Variants in SLC22A2 observed in about 807,000 individuals in gnomAD.
The protein encoded by SLC22A2 is organic cation transporter 2.
A neutral mutation model predicts 60.5 loss-of-function variants in SLC22A2; 46 were observed. The ratio of observed to expected loss-of-function variants is 0.76; its 90% CI spans 0.60 to 0.97. SLC22A2 has a LOEUF of 0.97. Ranked by LOEUF, SLC22A2 falls within the 50% of genes least tolerant of loss-of-function variation. SLC22A2 has a pLI of 0.00. For synonymous variants in SLC22A2, 303 were observed against 267.0 expected (o/e 1.13, Z -1.31); for missense variants, 701 against 706.6 (o/e 0.99, Z 0.09).
intron 2 of SLC22A2, among the ~76,000 whole-genome samples, chr6:160,254,038 G>T (rs768974375): frequency 2.6e-5 from 4 of 152,184 alleles, no homozygotes; most frequent in Non-Finnish European, 4.4e-5. Context: ...AGCACTTTGG[G>T]AGGTCAAGGA....
At chr6:160,227,457 C>T (rs1026293399) in intron 9 of SLC22A2, among the ~76,000 whole-genome samples, 2 of 152,176 alleles carry the variant, frequency 1.3e-5, no homozygotes, top group Non-Finnish European at 2.9e-5. Context: ...CTAATGGATA[C>T]CTCGCATGTA....
chr6:160,231,892 C>A (rs951368054), intron 9 of SLC22A2, among the ~76,000 whole-genome samples: 1 of 151,802 alleles, frequency 6.6e-6, no homozygotes, highest in Non-Finnish European at 1.5e-5. Flanking sequence ...GCTGTGTGGT[C>A]GGAATTCTTA....
intron 9 of SLC22A2, among the ~76,000 whole-genome samples, chr6:160,228,225 C>CG (rs999966020): frequency 1.3e-5 from 2 of 152,280 alleles, no homozygotes; most frequent in African/African-American, 4.8e-5. Flanking sequence ...TTCTGGTGAA[C>CG]CCTGAAGGGA....
Position 160,258,767 on chromosome 6 carries a change from G to C in SLC22A2, c.-10C>G. 6.5e-7 allele frequency: 1 copy of C among 1,532,152 alleles called. No homozygotes were observed. Among genetic ancestry groups the C allele is most frequent in the East Asian group, 2.3e-5 (1 of 43,954 alleles). The allele number at this position is 1,532,152 out of a possible 1,614,324, so 94.9% of individuals were successfully genotyped here. A position where few individuals can be genotyped will look rare whatever the true frequency, so the allele number is the denominator to read the frequency against. On this transcript the variant is annotated 5_prime_UTR_variant, in exon 1 of 11. Coordinates refer to ENST00000366953, the MANE Select transcript of SLC22A2 (RefSeq NM_003058.4). ...CCACGGTGGTGGGCATGATCCTGCA[G>C]GCAGGAGGGCCCGAGGCTGCCCGAC...
chr6:160,219,325 A>T (rs1304259863), intron 10 of SLC22A2, among the ~76,000 whole-genome samples: 1 of 152,206 alleles, frequency 6.6e-6, no homozygotes, highest in Admixed American at 6.5e-5. Flanking sequence ...TAACAATAAC[A>T]ACAGCAATAG....
At chr6:160,256,526 G>T in intron 2 of SLC22A2, 88 bp downstream of exon 2, 1 of 846,810 alleles carries the variant, frequency 1.2e-6, no homozygotes. Context: ...GCTTGGGAAA[G>T]GATGGGATTC....
chr6:160,231,054 C>T lies in SLC22A2; in HGVS notation c.1502-6250G>A, dbSNP rs142186564. ...TCTTATGGTGGAGGGTAAGTCCGTC[C>T]CCTTCTTAATCAATACGGAGGCTAC... On this transcript the variant is annotated intron_variant, in intron 9 of 10. Transcript: ENST00000366953. 3.3e-3 allele frequency among the ~76,000 whole-genome samples: 504 copies of T among 151,898 alleles called. 7 individuals carry two copies. Among genetic ancestry groups the T allele is most frequent in the Middle Eastern group, 0.017 (5 of 294 alleles).
intron 2 of SLC22A2, among the ~76,000 whole-genome samples, chr6:160,253,392 G>A (rs981313767): frequency 1.3e-5 from 2 of 152,182 alleles, no homozygotes; most frequent in Non-Finnish European, 2.9e-5. Context: ...GCCATTAAAA[G>A]GGGCTGGAGA....
intron 2 of SLC22A2, among the ~76,000 whole-genome samples, chr6:160,255,002 G>A (rs994476540): frequency 1.1e-4 from 17 of 152,306 alleles, no homozygotes; most frequent in South Asian, 4.1e-4. Context: ...ACCTGGTGGC[G>A]GAGGAGGGAG....
chr6:160,217,649 A>C (rs1354828056), intron 10 of SLC22A2, 151 bp from the exon 11 acceptor site: 1 of 579,826 alleles, frequency 1.7e-6, no homozygotes. Context: ...GGTGGTTCTC[A>C]CAAAGAAAAT....
At chr6:160,230,979 A>G (rs1015056113) in intron 9 of SLC22A2, among the ~76,000 whole-genome samples, 3 of 151,856 alleles carry the variant, frequency 2.0e-5, no homozygotes, top group Admixed American at 6.5e-5. Context: ...ATGCTGACCA[A>G]TCACCTCGGA....
At chr6:160,247,382 A>C (rs1783113216) in intron 4 of SLC22A2, 84 bp from the exon 5 acceptor site, 2 of 772,212 alleles carry the variant, frequency 2.6e-6, no homozygotes, top group East Asian at 4.9e-5. Flanking sequence ...GATTTCTCTG[A>C]GGATGTTAAT....
intron 10 of SLC22A2, among the ~76,000 whole-genome samples, 198 bp downstream of exon 10, chr6:160,224,507 G>A (rs1288778912): frequency 6.6e-6 from 1 of 152,060 alleles, no homozygotes; most frequent in Admixed American, 6.5e-5. Flanking sequence ...CCTTCTCCAC[G>A]TGAAAGTTTA....
Position 160,243,635 on chromosome 6 carries a change from G to A in SLC22A2, c.1216C>T (p.Pro406Ser). Reference sequence around the variant, plus strand: ...GCAACCATATTTGATGCAGCCCAAGGGTAACGGCGTCCGATGCGGTCGATG... The same window carrying A: ...GCAACCATATTTGATGCAGCCCAAGAGTAACGGCGTCCGATGCGGTCGATG... The part of the protein sequence containing the change: ...LTIDRIGRRY[P>S]WAASNMVAGA... The change falls in exon 7 of 11, where the codon CCT becomes TCT. Residue 406 changes from proline (P) to serine (S), a missense_variant. Transcript: ENST00000366953. The A allele has an allele frequency of 6.2e-7, 1 of 1,614,042 alleles. No individual in the cohort carries two copies. Among genetic ancestry groups the A allele is most frequent in the Admixed American group, 1.7e-5 (1 of 60,014 alleles).
At chr6:160,218,250 A>G in intron 10 of SLC22A2, 1 of 200,584 alleles carries the variant, frequency 5.0e-6, no homozygotes, top group South Asian at 6.0e-5. Context: ...ATGGGGAGGT[A>G]AAATCAAGTC....
At chr6:160,255,058 C>G (rs548798615) in intron 2 of SLC22A2, among the ~76,000 whole-genome samples, 1 of 152,320 alleles carries the variant, frequency 6.6e-6, no homozygotes, top group Non-Finnish European at 1.5e-5. Context: ...CCCAGGGGTG[C>G]AAGGTGGACT....
chr6:160,236,980 C>T (rs1782921438), intron 9 of SLC22A2, among the ~76,000 whole-genome samples: 1 of 152,040 alleles, frequency 6.6e-6, no homozygotes, highest in Admixed American at 6.6e-5. Flanking sequence ...AATAATCAGG[C>T]CAAGTACAAT....
At chr6:160,235,829 G>A (rs2114858901) in intron 9 of SLC22A2, among the ~76,000 whole-genome samples, 1 of 152,174 alleles carries the variant, frequency 6.6e-6, no homozygotes, top group Non-Finnish European at 1.5e-5. Flanking sequence ...ATGTAAAAGT[G>A]AAATTTGACT....
At chr6:160,232,005 TAA>T (rs1782833211) in intron 9 of SLC22A2, among the ~76,000 whole-genome samples, 2 of 151,976 alleles carry the variant, frequency 1.3e-5, no homozygotes, top group South Asian at 4.1e-4. Flanking sequence ...ACCACTGTGT[TAA>T]TGCTTTTAGA....
Sources: allele counts gnomAD v4.1 joint callset (sites outside exome capture counted in the v4.1 genomes callset), GRCh38; gene constraint gnomAD v4.1.1; transcripts MANE v1.5; gene names NCBI Gene and HGNC (gene_info 2026-07-23, HGNC 2026-07-21).